The following CSMD1 variants were observed in gnomAD, a reference collection of about 807,000 sequenced individuals.
CSMD1 encodes CUB and sushi domain-containing protein 1.
In CSMD1, 213 loss-of-function variants were observed where a neutral mutation model predicts 417.5. That is an observed-to-expected ratio of 0.51 (90% CI 0.46 to 0.57). CSMD1 has a LOEUF of 0.57. Among genes scored for constraint, CSMD1 ranks in the 20% least tolerant of loss-of-function variants. The probability of loss-of-function intolerance (pLI) is 0.00; values close to 1 mark genes in which losing one functional copy is unlikely to be tolerated. For missense variants in CSMD1, 6,923 were observed against 4,529.7 expected, an observed-to-expected ratio of 1.53 and a Z score of -15.17; for synonymous variants, 2,862 against 1,736.8, an observed-to-expected ratio of 1.65 and a Z score of -16.11.
At chr8:3,247,422 A>T (rs185146467) in intron 26 of CSMD1, among the ~76,000 whole-genome samples, 4 of 152,118 alleles carry the variant, frequency 2.6e-5, no homozygotes, top group African/African-American at 9.6e-5. Flanking sequence ...TCTTATTTCC[A>T]TGCTCCTTGT....
At chr8:3,666,902 C>A (rs1798721054) in intron 7 of CSMD1, among the ~76,000 whole-genome samples, 1 of 152,158 alleles carries the variant, frequency 6.6e-6, no homozygotes, top group South Asian at 2.1e-4. Flanking sequence ...TGAACTATTA[C>A]ACCTGCTATG....
At chr8:4,831,488 T>C (rs1274253746) in intron 1 of CSMD1, among the ~76,000 whole-genome samples, 1 of 152,236 alleles carries the variant, frequency 6.6e-6, no homozygotes, top group Non-Finnish European at 1.5e-5. Context: ...CTTAGAGTTT[T>C]GTCAAGATGC....
chr8:3,580,027 T>C (rs6558804), intron 9 of CSMD1, among the ~76,000 whole-genome samples: 133,109 of 152,062 alleles, frequency 0.88, 58,605 homozygotes, highest in African/African-American at 0.92. Flanking sequence ...TCCCTTGAGC[T>C]AGGGAGGTGG....
chr8:4,048,606 C>G (rs1798268537), intron 3 of CSMD1, among the ~76,000 whole-genome samples: 1 of 152,206 alleles, frequency 6.6e-6, no homozygotes, highest in Admixed American at 6.5e-5. Flanking sequence ...ACAAACAGCA[C>G]ACACCAAACA....
At chr8:4,343,324 G>A (rs930284799) in intron 3 of CSMD1, among the ~76,000 whole-genome samples, 1 of 152,042 alleles carries the variant, frequency 6.6e-6, no homozygotes, top group East Asian at 1.9e-4. Flanking sequence ...TTTAGTAAGA[G>A]AATGAATACA....
chr8:4,203,550 G>A (rs748381997), intron 3 of CSMD1, among the ~76,000 whole-genome samples: 29 of 152,102 alleles, frequency 1.9e-4, no homozygotes, highest in Non-Finnish European at 3.7e-4. Context: ...TTAAACAGCT[G>A]GGTGTGAATT....
chr8:2,997,933 G>C (rs1257741667), intron 54 of CSMD1, 78 bp downstream of exon 54: 5 of 1,376,140 alleles, frequency 3.6e-6, no homozygotes, highest in Admixed American at 2.2e-5. Flanking sequence ...GATTCATGGA[G>C]ACAGGCTCTT....
chr8:2,969,149 G>T (rs976094457), intron 57 of CSMD1, among the ~76,000 whole-genome samples: 1 of 152,030 alleles, frequency 6.6e-6, no homozygotes, highest in African/African-American at 2.4e-5. Flanking sequence ...ACTTATTCCC[G>T]GCTGTTACCA....
chr8:3,283,456 A>G (rs1802892566), intron 26 of CSMD1, among the ~76,000 whole-genome samples: 1 of 152,084 alleles, frequency 6.6e-6, no homozygotes, highest in Non-Finnish European at 1.5e-5. Flanking sequence ...TTTTTATGTA[A>G]CTAAGTAGGT....
intron 1 of CSMD1, among the ~76,000 whole-genome samples, chr8:4,971,389 T>C (rs950605815): frequency 6.6e-6 from 1 of 152,058 alleles, no homozygotes; most frequent in African/African-American, 2.4e-5. Context: ...TAAAGAAATG[T>C]TTAGAAGAAA....
chr8:4,186,889 G>T (rs1434400726), intron 3 of CSMD1, among the ~76,000 whole-genome samples: 2 of 151,402 alleles, frequency 1.3e-5, no homozygotes, highest in African/African-American at 4.9e-5. Context: ...CCAGCTACTC[G>T]GGAGGCTGAG....
In CSMD1 at chr8:3,255,043, G is replaced by C. The variant is rs193121181; in HGVS notation, c.4154-24812C>G. Among the ~76,000 whole-genome samples the C allele has an allele frequency of 6.6e-5, 10 of 152,170 alleles. No homozygotes were observed. The South Asian group carries it at 2.1e-3, about 32-fold the overall frequency. On this transcript the variant is annotated intron_variant, in intron 26 of 69. Coordinates refer to ENST00000635120, the MANE Select transcript of CSMD1 (RefSeq NM_033225.6). ...TTTGATGATGGTGATGTACAGATGG[G>C]GTTTTGGTGTGGATGTCCTTCCTGT...
At chr8:2,960,239 T>C (rs1803339867) in intron 62 of CSMD1, among the ~76,000 whole-genome samples, 1 of 152,178 alleles carries the variant, frequency 6.6e-6, no homozygotes, top group Non-Finnish European at 1.5e-5. Context: ...ATTTGAGACA[T>C]AATAGAAAAT....
At chr8:4,771,361 T>C (rs1055134056) in intron 1 of CSMD1, among the ~76,000 whole-genome samples, 3 of 152,242 alleles carry the variant, frequency 2.0e-5, no homozygotes, top group African/African-American at 7.2e-5. Context: ...CACCAGGCTT[T>C]GGGCCCTCTT....
chr8:3,619,284 G>C (rs749880502), intron 7 of CSMD1, among the ~76,000 whole-genome samples: 3 of 152,170 alleles, frequency 2.0e-5, no homozygotes, highest in Admixed American at 6.5e-5. Context: ...CTTCAGTCCA[G>C]GTTGATCTCA....
chr8:4,562,134 T>C (rs908880962), intron 2 of CSMD1, among the ~76,000 whole-genome samples: 2 of 152,056 alleles, frequency 1.3e-5, no homozygotes, highest in Non-Finnish European at 2.9e-5. Context: ...AAGCTGCAGG[T>C]ATCGTTAATT....
At position 4,853,963 on chromosome 8, in the gene CSMD1, A is replaced by AT. The variant is rs139840325; in HGVS notation, c.85+140368dup. Among the ~76,000 whole-genome samples, 641 of 151,898 alleles carry AT rather than the reference A, an allele frequency of 4.2e-3. 4 individuals are homozygous for AT. The highest frequency in any genetic ancestry group is 0.011 in the African/African-American group (461 of 41,424). On this transcript the variant is annotated intron_variant, in intron 1 of 69. Transcript: ENST00000635120. ...GGCTTATTACCCCTTTCTTTTGGCC[A>AT]TTTTTTTTCCTTTGGTATGAGAATA...
At chr8:4,655,869 T>G (rs1206244900) in intron 1 of CSMD1, among the ~76,000 whole-genome samples, 2 of 152,142 alleles carry the variant, frequency 1.3e-5, no homozygotes, top group Non-Finnish European at 2.9e-5. Context: ...AAGAAAAGCA[T>G]GTTTCATTAT....
intron 5 of CSMD1, among the ~76,000 whole-genome samples, chr8:3,940,691 A>G (rs920297941): frequency 1.3e-5 from 2 of 151,944 alleles, no homozygotes; most frequent in South Asian, 4.2e-4. Flanking sequence ...ACATACCTAC[A>G]TTGCTTTTTA....
Sources: allele counts gnomAD v4.1 joint callset (sites outside exome capture counted in the v4.1 genomes callset), GRCh38; gene constraint gnomAD v4.1.1; transcripts MANE v1.5; gene names NCBI Gene and HGNC (gene_info 2026-07-23, HGNC 2026-07-21).